FEZ1: variants seen among roughly 807,000 people sequenced by gnomAD.
FEZ1 encodes the protein fasciculation and elongation protein zeta-1.
A neutral mutation model predicts 49.3 loss-of-function variants in FEZ1; 20 were observed. The observed-to-expected ratio is 0.41, with a 90% confidence interval of 0.29 to 0.59. The LOEUF is 0.59. Ranked by LOEUF, FEZ1 falls within the 20% of genes least tolerant of loss-of-function variation. The probability of loss-of-function intolerance (pLI) is 0.36; values close to 1 mark genes in which losing one functional copy is unlikely to be tolerated. For missense variants in FEZ1, 413 were observed against 476.0 expected, an observed-to-expected ratio of 0.87 and a Z score of 1.23; for synonymous variants, 170 against 180.9, an observed-to-expected ratio of 0.94 and a Z score of 0.48.
At chr11:125,446,143 C>A in intron 9 of FEZ1, 32 bp from the exon 10 acceptor site, 2 of 1,613,240 alleles carry the variant, frequency 1.2e-6, no homozygotes, top group South Asian at 2.2e-5. Flanking sequence ...GGAGAGCGGT[C>A]AGAACACAGT....
At chr11:125,470,677 G>C (rs1391957365) in intron 3 of FEZ1, among the ~76,000 whole-genome samples, 2 of 151,714 alleles carry the variant, frequency 1.3e-5, no homozygotes, top group Admixed American at 6.6e-5. Flanking sequence ...ATAAATGAAG[G>C]CTAAAGGAAT....
intron 8 of FEZ1, among the ~76,000 whole-genome samples, chr11:125,449,135 G>T (rs1956925282): frequency 6.6e-6 from 1 of 151,752 alleles, no homozygotes; most frequent in African/African-American, 2.4e-5. Context: ...CAAACTCCTG[G>T]GTTCAAGTAA....
intron 3 of FEZ1, among the ~76,000 whole-genome samples, chr11:125,477,644 C>T (rs533345620): frequency 6.6e-6 from 1 of 152,320 alleles, no homozygotes; most frequent in African/African-American, 2.4e-5. Context: ...CTTCCTTAGT[C>T]ATCCCAGAGT....
Position 125,445,925 on chromosome 11 carries a change from A to G in FEZ1, c.*170T>C, listed in dbSNP as rs1324681701. Reference sequence around the variant, plus strand: ...CCCCATCATGCATCCAATGATTACTAGCACTAGAAGCCAACGGCAAAGGAC... The same window carrying G: ...CCCCATCATGCATCCAATGATTACTGGCACTAGAAGCCAACGGCAAAGGAC... On this transcript the variant is annotated 3_prime_UTR_variant, in exon 10 of 10. Coordinates refer to ENST00000278919, the MANE Select transcript of FEZ1 (RefSeq NM_005103.5). The surrounding 1 kb of genome is among the most constrained non-coding windows in gnomAD (Gnocchi z 4.4). 3 of 711,458 alleles carry G rather than the reference A, an allele frequency of 4.2e-6. No homozygotes were observed. The highest frequency in any genetic ancestry group is 7.8e-6 in the Non-Finnish European group (3 of 384,090). 44.1% of individuals were successfully genotyped at this position (711,458 alleles called of 1,614,324 possible).
chr11:125,493,410 GAAA>G (rs1565306916), intron 1 of FEZ1, among the ~76,000 whole-genome samples: 2 of 72,940 alleles, frequency 2.7e-5, no homozygotes, highest in African/African-American at 1.4e-4. Context: ...AAGAAAGAAA[GAAA>G]GAAAGAAAGA....
At chr11:125,476,854 G>A (rs1011055065) in intron 3 of FEZ1, among the ~76,000 whole-genome samples, 2 of 152,192 alleles carry the variant, frequency 1.3e-5, no homozygotes, top group African/African-American at 4.8e-5. Flanking sequence ...GAATAGTTTG[G>A]TTTGTTGTTG....
rs570305763 is a variant in FEZ1 at position 125,478,563 on chromosome 11, GA to G, written c.411+2970del. ...AGCGCTTTTGGTCGTATGTTTTACAGAAGGAATACAGAGCACTGGTTAATCT... is the reference window on the plus strand; with the variant it reads ...AGCGCTTTTGGTCGTATGTTTTACAGAGGAATACAGAGCACTGGTTAATCT... On this transcript the variant is annotated intron_variant, in intron 3 of 9. Coordinates refer to ENST00000278919, the MANE Select transcript of FEZ1 (RefSeq NM_005103.5). Among the ~76,000 whole-genome samples, 155 of 152,370 alleles carry G rather than the reference GA, an allele frequency of 1.0e-3. 2 individuals carry two copies. Among genetic ancestry groups the G allele is most frequent in the Non-Finnish European group, 1.2e-3 (84 of 68,028 alleles).
chr11:125,457,168 A>G (rs1350486193), intron 5 of FEZ1, among the ~76,000 whole-genome samples: 1 of 151,358 alleles, frequency 6.6e-6, no homozygotes, highest in East Asian at 1.9e-4. Context: ...GGGCAACAAC[A>G]AGAGCAAAAC....
chr11:125,479,958 T>A (rs1343898212), intron 3 of FEZ1, among the ~76,000 whole-genome samples: 2 of 152,148 alleles, frequency 1.3e-5, no homozygotes, highest in African/African-American at 4.8e-5. Context: ...CCTTTGCAAA[T>A]CAACTCAAAA....
intron 2 of FEZ1, among the ~76,000 whole-genome samples, chr11:125,488,310 T>A (rs1957345500): frequency 2.0e-5 from 3 of 152,258 alleles, no homozygotes; most frequent in Non-Finnish European, 2.9e-5. Flanking sequence ...TTATCATATG[T>A]ACGTACATAC....
At chr11:125,457,387 G>A (rs1957020602) in intron 5 of FEZ1, among the ~76,000 whole-genome samples, 2 of 97,678 alleles carry the variant, frequency 2.0e-5, no homozygotes, top group African/African-American at 8.4e-5. Context: ...CCAACATGGT[G>A]AAACTGTTTC....
At chr11:125,477,603 C>T (rs1367039888) in intron 3 of FEZ1, among the ~76,000 whole-genome samples, 1 of 152,202 alleles carries the variant, frequency 6.6e-6, no homozygotes, top group Non-Finnish European at 1.5e-5. Flanking sequence ...CCGCCTCTAC[C>T]TGACCTTTAC....
chr11:125,465,449 C>A (rs138591225), intron 3 of FEZ1, among the ~76,000 whole-genome samples: 1 of 152,176 alleles, frequency 6.6e-6, no homozygotes, highest in Admixed American at 6.5e-5. Flanking sequence ...GGGCTGTGGC[C>A]GGAATGATGC....
intron 3 of FEZ1, among the ~76,000 whole-genome samples, 174 bp from the exon 4 acceptor site, chr11:125,463,744 C>G (rs1957097097): frequency 6.6e-6 from 1 of 152,136 alleles, no homozygotes; most frequent in Non-Finnish European, 1.5e-5. Context: ...TATCTTTGCC[C>G]CATCACTAAC....
At chr11:125,454,401 T>C (rs1565531987) in intron 6 of FEZ1, 191 bp from the exon 7 acceptor site, 3 of 449,264 alleles carry the variant, frequency 6.7e-6, no homozygotes. Context: ...AAACAGAGTC[T>C]CAAGAACTCT....
At chr11:125,468,028 T>C (rs920915984) in intron 3 of FEZ1, among the ~76,000 whole-genome samples, 1 of 152,124 alleles carries the variant, frequency 6.6e-6, no homozygotes, top group Non-Finnish European at 1.5e-5. Flanking sequence ...TAATAATGCC[T>C]CCTACAGACA....
At chr11:125,454,377 A>C (rs1363462214) in intron 6 of FEZ1, 167 bp from the exon 7 acceptor site, 1 of 479,590 alleles carries the variant, frequency 2.1e-6, no homozygotes, top group East Asian at 3.4e-5. Context: ...TTGAAGCCTG[A>C]GCTTTGCAAG....
At chr11:125,481,876 T>A in intron 2 of FEZ1, 1 of 515,826 alleles carries the variant, frequency 1.9e-6, no homozygotes, top group Non-Finnish European at 3.5e-6. Flanking sequence ...GAAGAGGAAT[T>A]TCCTACCATT....
chr11:125,453,770 G>C (rs1316026423), intron 7 of FEZ1: 2 of 164,978 alleles, frequency 1.2e-5, no homozygotes, highest in Non-Finnish European at 2.6e-5. Context: ...GGCTTGGCAG[G>C]TGATCCAGTG....
Sources: allele counts gnomAD v4.1 joint callset (sites outside exome capture counted in the v4.1 genomes callset), GRCh38; gene constraint gnomAD v4.1.1; non-coding constraint Gnocchi (gnomAD v3.1); transcripts MANE v1.5; gene names NCBI Gene and HGNC (gene_info 2026-07-23, HGNC 2026-07-21).